Variants in PCDHGA7 observed in about 807,000 individuals in gnomAD.
PCDHGA7 encodes the protein protocadherin gamma subfamily A, 7.
PCDHGA7 carries 44 observed loss-of-function variants against 58.3 expected under a neutral mutation model. That is an observed-to-expected ratio of 0.75 (90% CI 0.59 to 0.97). The LOEUF is 0.97. PCDHGA7 is among the 50% of genes least tolerant of loss of function. The probability of loss-of-function intolerance (pLI) is 0.00; values close to 1 mark genes in which losing one functional copy is unlikely to be tolerated. For missense variants in PCDHGA7, 1,266 were observed against 1,188.7 expected, an observed-to-expected ratio of 1.06 and a Z score of -0.96; for synonymous variants, 516 against 504.2, an observed-to-expected ratio of 1.02 and a Z score of -0.31.
chr5:141,484,867 G>C lies in PCDHGA7; in HGVS notation c.2425-9940G>C, dbSNP rs573580017. The C allele has an allele frequency of 1.8e-5, 5 of 282,560 alleles. No homozygotes were observed. The Admixed American group carries it at 1.9e-4, about 11-fold the overall frequency. The allele number at this position is 282,560 out of a possible 1,614,324, so 17.5% of individuals were successfully genotyped here. A position where few individuals can be genotyped will look rare whatever the true frequency, so the allele number is the denominator to read the frequency against. ...TGGGTTTTTTGGGGGGTGGGGGAGC[G>C]TGGAGGATAGGGTGGGCTTTTTCCC... On this transcript the variant is annotated intron_variant, in intron 1 of 3. Coordinates refer to ENST00000518325, the MANE Select transcript of PCDHGA7 (RefSeq NM_018920.4).
chr5:141,397,738 C>T (rs1211172946), intron 1 of PCDHGA7, among the ~76,000 whole-genome samples: 1 of 152,162 alleles, frequency 6.6e-6, no homozygotes, highest in East Asian at 1.9e-4. Flanking sequence ...AGAAAGATAC[C>T]TTAAAGAAGT....
At chr5:141,421,189 C>G in intron 1 of PCDHGA7, 1 of 1,477,674 alleles carries the variant, frequency 6.8e-7, no homozygotes, top group Non-Finnish European at 9.0e-7. Flanking sequence ...CACAACCAAC[C>G]AGCTCGAGAA....
rs2099085120 is a variant in PCDHGA7, at chr5:141,464,455, T to C, written c.2425-30352T>C. Among the ~76,000 whole-genome samples, 2 of 151,794 alleles carry C rather than the reference T, an allele frequency of 1.3e-5. 1 individual carries two copies. Among genetic ancestry groups the C allele is most frequent in the Non-Finnish European group, 2.9e-5 (2 of 67,958 alleles). On this transcript the variant is annotated intron_variant, in intron 1 of 3. Coordinates refer to ENST00000518325, the MANE Select transcript of PCDHGA7 (RefSeq NM_018920.4). ...TATATGTTTGTTGTTGTTGTTGTTA[T>C]TTTTGAAGTATGTACGTATAATAAA...
At chr5:141,411,881 G>T (rs1299555823) in intron 1 of PCDHGA7, 2 of 152,114 alleles carry the variant, frequency 1.3e-5, no homozygotes, top group Middle Eastern at 3.2e-3. Flanking sequence ...ACATTTCTAA[G>T]AAATAAATGA....
chr5:141,395,119 T>C, intron 1 of PCDHGA7: 1 of 1,614,182 alleles, frequency 6.2e-7, no homozygotes. Flanking sequence ...AGTCACCTGA[T>C]CTTTCCCCAG....
In PCDHGA7 at chr5:141,384,119, C is replaced by G; in HGVS notation, c.1220C>G (p.Thr407Ser). The change falls in exon 1 of 4, where the codon ACC becomes AGC. Residue 407 changes from threonine to serine, a missense_variant. Thr to Ser is a moderately conservative substitution (Grantham distance 58). Coordinates refer to ENST00000518325, the MANE Select transcript of PCDHGA7 (RefSeq NM_018920.4). ...GATAATTATTATAGATTGGTCACAA[C>G]CAAAAACTTGGACCGGGAAACACTC... is the stretch of plus-strand genomic sequence containing the variant. ...SIDNYYRLVT[T>S]KNLDRETLSL... 5 of 1,608,930 alleles carry G rather than the reference C, an allele frequency of 3.1e-6. No individual in the cohort carries two copies. Among genetic ancestry groups the G allele is most frequent in the Non-Finnish European group, 4.2e-6 (5 of 1,177,376 alleles).
At chr5:141,418,435 A>G (rs1237542659) in intron 1 of PCDHGA7, 1 of 1,614,038 alleles carries the variant, frequency 6.2e-7, no homozygotes, top group South Asian at 1.1e-5. Context: ...GCAAATATCC[A>G]GAATTAGTAT....
chr5:141,430,795 G>T (rs918154748), intron 1 of PCDHGA7: 7 of 1,522,458 alleles, frequency 4.6e-6, no homozygotes, highest in Non-Finnish European at 6.2e-6. Flanking sequence ...ACTACAAAGG[G>T]CTTGTCCTGC....
chr5:141,420,321 C>G (rs763682825), intron 1 of PCDHGA7: 2 of 1,410,974 alleles, frequency 1.4e-6, no homozygotes, highest in Non-Finnish European at 1.9e-6. Flanking sequence ...TACAATATGC[C>G]AATATATTCC....
intron 1 of PCDHGA7, among the ~76,000 whole-genome samples, chr5:141,447,104 A>G (rs1212797996): frequency 2.0e-5 from 3 of 151,958 alleles, no homozygotes; most frequent in African/African-American, 7.3e-5. Flanking sequence ...TCACATGATT[A>G]TATGTGCTCC....
chr5:141,427,703 C>A (rs529490424), intron 1 of PCDHGA7: 2 of 957,514 alleles, frequency 2.1e-6, no homozygotes, highest in African/African-American at 1.6e-5. Flanking sequence ...CACAAGTCAG[C>A]GCCTCTGACC....
rs778172652 is a variant in PCDHGA7, at chr5:141,418,978, C to G, written c.2424+33655C>G. 4 of 1,613,790 alleles carry G rather than the reference C, an allele frequency of 2.5e-6. No individual in the cohort carries two copies. In the South Asian group the frequency reaches 4.4e-5, roughly 18 times the overall value. ...TTGTTGCCCTCTTCAAAACACGGGACCAAGACTCAGGGGAAAATGGGGAAG... is the reference window on the plus strand; with the variant it reads ...TTGTTGCCCTCTTCAAAACACGGGAGCAAGACTCAGGGGAAAATGGGGAAG... On this transcript the variant is annotated intron_variant, in intron 1 of 3. Coordinates refer to ENST00000518325, the MANE Select transcript of PCDHGA7 (RefSeq NM_018920.4).
intron 3 of PCDHGA7, among the ~76,000 whole-genome samples, chr5:141,507,521 C>G (rs2099861196): frequency 6.6e-6 from 1 of 151,972 alleles, no homozygotes; most frequent in African/African-American, 2.4e-5. Flanking sequence ...GGCTATGATT[C>G]CAGAGAGGCC....
At chr5:141,466,143 C>T (rs2099117622) in intron 1 of PCDHGA7, among the ~76,000 whole-genome samples, 1 of 151,816 alleles carries the variant, frequency 6.6e-6, no homozygotes, top group Admixed American at 6.6e-5. Flanking sequence ...CAAGTGAAAA[C>T]TCTGGTCTTA....
chr5:141,470,860 T>G (rs2099242265), intron 1 of PCDHGA7, among the ~76,000 whole-genome samples: 1 of 151,788 alleles, frequency 6.6e-6, no homozygotes, highest in South Asian at 2.1e-4. Context: ...GATAAGTTTT[T>G]TGTTTGTTTG....
At chr5:141,393,710 G>A (rs143738602) in intron 1 of PCDHGA7, 4 of 1,613,794 alleles carry the variant, frequency 2.5e-6, no homozygotes, top group Non-Finnish European at 3.4e-6. Flanking sequence ...AAAATACTGG[G>A]GAAATATCAA....
At chr5:141,461,170 G>T (rs1347666737) in intron 1 of PCDHGA7, among the ~76,000 whole-genome samples, 1 of 152,052 alleles carries the variant, frequency 6.6e-6, no homozygotes. Context: ...GGGATTGCTG[G>T]ATTGAATGGT....
Position 141,486,178 on chromosome 5 carries a change from C to T in PCDHGA7, c.2425-8629C>T, listed in dbSNP as rs767840363. The T allele has an allele frequency of 1.1e-5, 17 of 1,614,076 alleles. No homozygotes were observed. The highest frequency in any genetic ancestry group is 1.4e-5 in the Non-Finnish European group (16 of 1,180,038). ...CTCCAGCCATGGAGCAACATTGCAG[C>T]CTTCGAGTGGATCTGCTGGACGTAA... On this transcript the variant is annotated intron_variant, in intron 1 of 3. Coordinates refer to ENST00000518325, the MANE Select transcript of PCDHGA7 (RefSeq NM_018920.4). The surrounding 1 kb of genome is among the most constrained non-coding windows in gnomAD (Gnocchi z 5.0).
At chr5:141,499,397 T>A (rs1171838687) in intron 2 of PCDHGA7, among the ~76,000 whole-genome samples, 2 of 152,122 alleles carry the variant, frequency 1.3e-5, no homozygotes, top group African/African-American at 4.8e-5. Flanking sequence ...AAATAGTACA[T>A]GCTCATTATA....
Sources: gnomAD v4.1 joint callset for allele counts (sites outside exome capture counted in the v4.1 genomes callset) on GRCh38, gnomAD v4.1.1 for gene constraint, Gnocchi (gnomAD v3.1) non-coding constraint, MANE v1.5 for transcripts, NCBI Gene and HGNC (gene_info 2026-07-23, HGNC 2026-07-21) for gene names.